The following PCNX2 variants were observed in gnomAD, a reference collection of about 807,000 sequenced individuals.
The protein encoded by PCNX2 is pecanex-like protein 2.
Under a neutral mutation model 223.8 loss-of-function variants are expected in PCNX2, and 168 were observed. The observed-to-expected ratio is 0.75, with a 90% CI of 0.66 to 0.85. The LOEUF is 0.85. PCNX2 is among the 40% of genes least tolerant of loss of function. The probability of loss-of-function intolerance (pLI) is 0.00; values close to 1 mark genes in which losing one functional copy is unlikely to be tolerated. For synonymous variants in PCNX2, 1,006 were observed against 1,052.6 expected (o/e 0.96, Z 0.86); for missense variants, 2,507 against 2,675.5 (o/e 0.94, Z 1.39).
intron 28 of PCNX2, among the ~76,000 whole-genome samples, chr1:233,004,460 C>CTTT (rs537817732): frequency 5.0e-4 from 72 of 144,046 alleles, no homozygotes; most frequent in African/African-American, 1.7e-3. Flanking sequence ...ACAGTTTCTC[C>CTTT]TTTTTTTTTT....
chr1:233,160,158 T>C, intron 19 of PCNX2, 125 bp downstream of exon 19: 1 of 1,015,092 alleles, frequency 9.9e-7, no homozygotes, highest in Non-Finnish European at 1.4e-6. Context: ...TAATGTACCA[T>C]CTGCCATTTT....
chr1:233,164,920 A>C (rs920911746), intron 17 of PCNX2, among the ~76,000 whole-genome samples: 1 of 152,132 alleles, frequency 6.6e-6, no homozygotes, highest in African/African-American at 2.4e-5. Context: ...ATGAATACAA[A>C]ATTATAGTTA....
chr1:233,301,378 A>G, the PCNX2 span, among the ~76,000 whole-genome samples: 4 of 152,212 alleles, frequency 2.6e-5, no homozygotes, highest in African/African-American at 9.6e-5. Context: ...TGTGACTATC[A>G]TATGCAAATG....
chr1:233,174,459 T>C (rs533217132), intron 17 of PCNX2, among the ~76,000 whole-genome samples: 2 of 151,550 alleles, frequency 1.3e-5, no homozygotes, highest in East Asian at 3.9e-4. Flanking sequence ...TAGCTTTTCA[T>C]ATACTGAACA....
chr1:233,138,118 A>C (rs1233370943), intron 20 of PCNX2, among the ~76,000 whole-genome samples: 2 of 152,220 alleles, frequency 1.3e-5, no homozygotes, highest in Non-Finnish European at 2.9e-5. Context: ...TGCATCAGGA[A>C]TAGAAAGGAA....
At chr1:233,299,262 G>A (rs957497477), upstream of PCNX2, among the ~76,000 whole-genome samples, 51 of 152,128 alleles carry the variant, frequency 3.4e-4, no homozygotes, top group African/African-American at 1.2e-3. Flanking sequence ...ATGTCTTATC[G>A]ATTTTATTTC....
the PCNX2 span, among the ~76,000 whole-genome samples, chr1:233,323,091 C>G: frequency 6.6e-6 from 1 of 152,174 alleles, no homozygotes; most frequent in Non-Finnish European, 1.5e-5. Context: ...CCAAGAAGCT[C>G]TGAAAATAAA....
At position 233,164,497 on chromosome 1, in the gene PCNX2, A is replaced by C. The variant is rs372842336; in HGVS notation, c.3274-3134T>G. 4.6e-5 allele frequency among the ~76,000 whole-genome samples: 7 copies of C among 152,224 alleles called. No homozygotes were observed. In the South Asian group the frequency reaches 1.4e-3, roughly 32 times the overall value. On this transcript the variant is annotated intron_variant, in intron 17 of 33. Transcript: ENST00000258229. Reference sequence around the variant, plus strand: ...AGAGATATCTGCACTCCCAGGCTTAATACAGCATTATTCACAATAGCCAAG... The same window carrying C: ...AGAGATATCTGCACTCCCAGGCTTACTACAGCATTATTCACAATAGCCAAG...
Position 233,175,315 on chromosome 1 carries a change from T to G in PCNX2, c.3273+2487A>C, listed in dbSNP as rs75144439. Among the ~76,000 whole-genome samples, 1,129 of 152,324 alleles carry G rather than the reference T, an allele frequency of 7.4e-3. 11 individuals are homozygous for G. Among genetic ancestry groups the G allele is most frequent in the African/African-American group, 0.026 (1,091 of 41,566 alleles). Reference sequence around the variant, plus strand: ...TTATTAAATCACCTAACAAGTTATGTGCTCCACACTGTACAAAGCATTTCA... The same window carrying G: ...TTATTAAATCACCTAACAAGTTATGGGCTCCACACTGTACAAAGCATTTCA... On this transcript the variant is annotated intron_variant, in intron 17 of 33. Coordinates refer to ENST00000258229, the MANE Select transcript of PCNX2 (RefSeq NM_014801.4).
At chr1:232,992,613 G>C (rs569714185) in intron 32 of PCNX2, among the ~76,000 whole-genome samples, 1 of 152,218 alleles carries the variant, frequency 6.6e-6, no homozygotes, top group East Asian at 1.9e-4. Context: ...TCTGGGGCCA[G>C]CTCACCTGGG....
chr1:233,130,601 C>T (rs1345044316), intron 21 of PCNX2, among the ~76,000 whole-genome samples: 1 of 151,962 alleles, frequency 6.6e-6, no homozygotes, highest in African/African-American at 2.4e-5. Context: ...TCTCCTGCCT[C>T]AGCCTCCTGA....
the PCNX2 span, among the ~76,000 whole-genome samples, chr1:233,301,269 C>T: frequency 6.6e-6 from 1 of 152,070 alleles, no homozygotes; most frequent in Non-Finnish European, 1.5e-5. Flanking sequence ...TGATATTCTT[C>T]AAGAGATTTG....
intron 13 of PCNX2, among the ~76,000 whole-genome samples, chr1:233,208,258 C>A (rs750560809): frequency 1.1e-4 from 16 of 152,202 alleles, no homozygotes; most frequent in Non-Finnish European, 2.1e-4. Flanking sequence ...CGTGCCCAGC[C>A]CGGATGGGCA....
At chr1:233,115,758 GAGAAAAAAC>G (rs1675371351) in intron 21 of PCNX2, among the ~76,000 whole-genome samples, 1 of 151,722 alleles carries the variant, frequency 6.6e-6, no homozygotes, top group South Asian at 2.1e-4. Context: ...AAAGAAGATA[GAGAAAAAAC>G]AAACTGAAAA....
chr1:233,295,933 T>TTCCTTCCTTC (rs1558437024), upstream of PCNX2, among the ~76,000 whole-genome samples: 2 of 142,788 alleles, frequency 1.4e-5, no homozygotes, highest in African/African-American at 5.1e-5. This position sits in a 1 kb window ranked among gnomAD's most constrained non-coding sequence, Gnocchi z 4.1. Flanking sequence ...TCTCTCTCTT[T>TTCCTTCCTTC]CTTCCTTCCT....
chr1:233,252,169 C>T (rs1267139049), intron 7 of PCNX2, among the ~76,000 whole-genome samples, 185 bp downstream of exon 7: 1 of 152,236 alleles, frequency 6.6e-6, no homozygotes. Context: ...CACTGGGGCA[C>T]AGCACGTGTA....
intron 17 of PCNX2, among the ~76,000 whole-genome samples, chr1:233,176,663 T>C (rs1211043676): frequency 6.6e-6 from 1 of 152,218 alleles, no homozygotes; most frequent in Non-Finnish European, 1.5e-5. Flanking sequence ...CCTGGCAAAC[T>C]GCAGCCACCT....
chr1:233,227,341 A>G lies in PCNX2; in HGVS notation c.2389T>C (p.Cys797Arg), dbSNP rs376156901. The change falls in exon 10 of 34, where the codon TGT becomes CGT. Residue 797 changes from cysteine to arginine, a missense_variant. Physicochemically the swap from Cys to Arg is radical, Grantham distance 180. Transcript: ENST00000258229. ...HVSQDLEASS[C>R]SSTQGKFNRE... ...TTAAATTTTCCTTGTGTTGAAGAACATGACGAGGCTTCCAGATCCTGACTC... is the reference window on the plus strand; with the variant it reads ...TTAAATTTTCCTTGTGTTGAAGAACGTGACGAGGCTTCCAGATCCTGACTC... The G allele has an allele frequency of 3.8e-5, 61 of 1,613,606 alleles. No homozygotes were observed. The African/African-American group carries it at 6.1e-4, about 16-fold the overall frequency.
intron 28 of PCNX2, among the ~76,000 whole-genome samples, chr1:233,011,843 T>C (rs1226002357): frequency 6.6e-6 from 1 of 152,228 alleles, no homozygotes; most frequent in East Asian, 1.9e-4. Flanking sequence ...CTTTAAAATA[T>C]CCTTCATAAT....
Sources: allele counts gnomAD v4.1 joint callset (sites outside exome capture counted in the v4.1 genomes callset), GRCh38; gene constraint gnomAD v4.1.1; non-coding constraint Gnocchi (gnomAD v3.1); transcripts MANE v1.5; gene names NCBI Gene and HGNC (gene_info 2026-07-23, HGNC 2026-07-21).